SH2D7: variants seen among roughly 807,000 people sequenced by gnomAD.
SH2D7 encodes the protein SH2 domain containing 7.
SH2D7 carries 32 observed loss-of-function variants against 40.8 expected under a neutral mutation model. The ratio of observed to expected loss-of-function variants is 0.78; its 90% CI spans 0.59 to 1.05. The LOEUF (loss-of-function observed/expected upper bound fraction) is 1.05. SH2D7 is among the 50% of genes least tolerant of loss of function. The pLI is 0.00. For missense variants in SH2D7, 559 were observed against 566.6 expected, an observed-to-expected ratio of 0.99 and a Z score of 0.14; for synonymous variants, 195 against 221.5, an observed-to-expected ratio of 0.88 and a Z score of 1.06.
rs12593575 is a variant in SH2D7 at position 78,098,567 on chromosome 15, C to A, written c.616C>A (p.Arg206=). The A allele has an allele frequency of 1.2e-6, 2 of 1,613,618 alleles. No individual in the cohort carries two copies. Among genetic ancestry groups the A allele is most frequent in the South Asian group, 1.1e-5 (1 of 91,022 alleles). ...ACAGAAAAGCCTGGATGTGAGTCCC[C>A]GGAACCTCTCCCAGGAGGAAAGCAT... ...HAQKSLDVSP[R]NLSQEESMEA... The change falls in exon 4 of 6, where the codon CGG becomes AGG. Residue 206 remains arginine, a synonymous_variant. Coordinates refer to ENST00000328828, the MANE Select transcript of SH2D7 (RefSeq NM_001101404.2).
At chr15:78,100,688 C>T (rs959379539) in intron 4 of SH2D7, among the ~76,000 whole-genome samples, 8 of 152,112 alleles carry the variant, frequency 5.3e-5, no homozygotes, top group Non-Finnish European at 8.8e-5. Flanking sequence ...CACAGCAAGA[C>T]TCCATCTCAA....
intron 4 of SH2D7, among the ~76,000 whole-genome samples, chr15:78,099,023 T>TC: frequency 6.6e-6 from 1 of 152,120 alleles, no homozygotes; most frequent in African/African-American, 2.4e-5. Context: ...TCTTTTCTTT[T>TC]TTTTTTTTGA....
At chr15:78,097,505 C>T (rs150605440) in intron 2 of SH2D7, among the ~76,000 whole-genome samples, 17 of 152,108 alleles carry the variant, frequency 1.1e-4, no homozygotes, top group African/African-American at 3.9e-4. Context: ...AGGGTTGGAT[C>T]CTGTCTTTAT....
At chr15:78,093,161 C>T (rs542502748) in intron 1 of SH2D7, among the ~76,000 whole-genome samples, 2 of 152,282 alleles carry the variant, frequency 1.3e-5, no homozygotes, top group African/African-American at 4.8e-5. Context: ...CATGGTTATC[C>T]TAGGTATAAA....
chr15:78,102,867 CTCAG>C (rs764206299), intron 5 of SH2D7, among the ~76,000 whole-genome samples: 4 of 152,144 alleles, frequency 2.6e-5, no homozygotes, highest in Non-Finnish European at 5.9e-5. Flanking sequence ...GTCCTCTGAT[CTCAG>C]TCAGGCACAC....
In SH2D7 at chr15:78,097,917, C is replaced by CTT. The variant is rs2073983297; in HGVS notation, c.267-11_267-10dup. On this transcript the variant is annotated splice_polypyrimidine_tract_variant and intron_variant, in intron 2 of 5. Transcript: ENST00000328828. ...GACCAGCAGCCCCAGACCACAAGCACTTGTGTTGCAGGGGCAGTGATCGCT... is the reference window on the plus strand; with the variant it reads ...GACCAGCAGCCCCAGACCACAAGCACTTTTGTGTTGCAGGGGCAGTGATCGCT... 2 of 1,612,560 alleles carry CTT rather than the reference C, an allele frequency of 1.2e-6. No homozygotes were observed. The highest frequency in any genetic ancestry group is 2.7e-5 in the African/African-American group (2 of 74,932).
At chr15:78,095,743 A>G (rs1192875619) in intron 2 of SH2D7, among the ~76,000 whole-genome samples, 1 of 152,240 alleles carries the variant, frequency 6.6e-6, no homozygotes, top group Non-Finnish European at 1.5e-5. Context: ...TTTGAAAATG[A>G]GAGGCCAAGT....
intron 2 of SH2D7, among the ~76,000 whole-genome samples, chr15:78,095,583 A>T (rs1032533286): frequency 3.9e-5 from 6 of 152,220 alleles, no homozygotes; most frequent in Non-Finnish European, 7.3e-5. Flanking sequence ...GAGCAATTGG[A>T]TATCTAAATG....
In SH2D7 at chr15:78,098,032, C is replaced by G; in HGVS notation, c.370C>G (p.His124Asp). The G allele has an allele frequency of 1.9e-6, 3 of 1,613,978 alleles. No homozygotes were observed. The highest frequency in any genetic ancestry group is 2.5e-6 in the Non-Finnish European group (3 of 1,179,874). ...QSHSTLAELV[H>D]HYQEAQLEPF... ...CCACAGCACCCTGGCTGAGCTTGTGCACCATTACCAGGAGGCACAGCTCGA... is the reference window on the plus strand; with the variant it reads ...CCACAGCACCCTGGCTGAGCTTGTGGACCATTACCAGGAGGCACAGCTCGA... Residue 124 changes from histidine to aspartate, a missense_variant, in exon 3 of 6, where the codon CAC (histidine) becomes GAC (aspartate). His to Asp is a moderately conservative substitution (Grantham distance 81, BLOSUM62 -1). Transcript: ENST00000328828.
At chr15:78,093,914 A>G (rs1017880114) in intron 1 of SH2D7, among the ~76,000 whole-genome samples, 198 bp from the exon 2 acceptor site, 17 of 152,160 alleles carry the variant, frequency 1.1e-4, no homozygotes, top group Non-Finnish European at 7.3e-5. Flanking sequence ...GAACTTAATC[A>G]TTTGGGCTCA....
intron 4 of SH2D7, among the ~76,000 whole-genome samples, chr15:78,100,652 G>A (rs2074007383): frequency 6.6e-6 from 1 of 152,138 alleles, no homozygotes. Context: ...AGCTGAGATT[G>A]CGCCACTGCA....
At position 78,101,405 on chromosome 15, in the gene SH2D7, A is replaced by G; in HGVS notation, c.1152A>G (p.Pro384=). The change falls in exon 5 of 6, where the codon CCA becomes CCG. Residue 384 remains proline (P), a synonymous_variant. Coordinates refer to ENST00000328828, the MANE Select transcript of SH2D7 (RefSeq NM_001101404.2). ...YEQIPACWGG[P]ARAPHPGASP... ...AGATCCCAGCTTGCTGGGGTGGCCC[A>G]GCCAGGGCCCCACATCCTGGGGCCA... is the stretch of plus-strand genomic sequence containing the variant. 2 of 1,613,574 alleles carry G rather than the reference A, an allele frequency of 1.2e-6. No homozygotes were observed. The highest frequency in any genetic ancestry group is 1.7e-6 in the Non-Finnish European group (2 of 1,179,728).
chr15:78,090,929 C>G (rs1211298890), upstream of SH2D7, among the ~76,000 whole-genome samples: 1 of 152,208 alleles, frequency 6.6e-6, no homozygotes, highest in Non-Finnish European at 1.5e-5. Context: ...TCAATCCACA[C>G]TCACTCAACC....
rs377126819 is a variant in SH2D7 at position 78,098,482 on chromosome 15, C to T, written c.531C>T (p.Val177=). ...CTGCCACGGCATTCCTCACAGTGGT[C>T]CCCGACAAGGCCGCCAGCCCCCGCT... is the stretch of plus-strand genomic sequence containing the variant. ...NPPATAFLTV[V]PDKAASPRSS... The change falls in exon 4 of 6, where the codon GTC becomes GTT. Residue 177 remains valine (V), a synonymous_variant. Transcript: ENST00000328828. The T allele has an allele frequency of 1.2e-4, 193 of 1,614,014 alleles. No homozygotes were observed. The African/African-American group carries it at 2.3e-3, about 20-fold the overall frequency.
chr15:78,094,109 C>T lies in SH2D7; in HGVS notation c.177-3C>T, dbSNP rs777877429. Reference sequence around the variant, plus strand: ...CCCAGCTAATGGCATGTCTTCTGCCCAGGCAGACGGAGCAGCTACTCAGGG... The same window carrying T: ...CCCAGCTAATGGCATGTCTTCTGCCTAGGCAGACGGAGCAGCTACTCAGGG... On this transcript the variant is annotated splice_polypyrimidine_tract_variant and splice_region_variant and intron_variant, in intron 1 of 5. Transcript: ENST00000328828. 1 of 1,605,080 alleles carries T rather than the reference C, an allele frequency of 6.2e-7. No homozygotes were observed. The highest frequency in any genetic ancestry group is 2.2e-5 in the East Asian group (1 of 44,472).
Position 78,094,062 on chromosome 15 carries a change from C to G in SH2D7, c.177-50C>G, listed in dbSNP as rs1365146168. ...AAGAGAGGCCTAAGTCAGGCTGCAC[C>G]TGCTGCCATTAGGGCACAGACCCCA... On this transcript the variant is annotated intron_variant, in intron 1 of 5. Coordinates refer to ENST00000328828, the MANE Select transcript of SH2D7 (RefSeq NM_001101404.2). The G allele has an allele frequency of 3.3e-6, 5 of 1,535,600 alleles. No homozygotes were observed. The African/African-American group carries it at 5.5e-5, about 17-fold the overall frequency.
upstream of SH2D7, chr15:78,091,194 G>A (rs150021091): frequency 6.6e-6 from 1 of 152,254 alleles, no homozygotes; most frequent in East Asian, 1.9e-4. Flanking sequence ...AAGCATCTCT[G>A]TCTTACTTCA....
chr15:78,092,682 G>T lies in SH2D7; in HGVS notation c.98G>T (p.Trp33Leu). Residue 33 changes from tryptophan (W) to leucine (L), a missense_variant, in exon 1 of 6, where the codon TGG becomes TTG. Coordinates refer to ENST00000328828, the MANE Select transcript of SH2D7 (RefSeq NM_001101404.2). ...GAGCTCCAGGAGCTTGCCCTGAAGT[G>T]GTTCATGGAGACACAGGCCCCCTTC... ...LAELQELALKWFMETQAPFIL... is the reference protein window; with the variant it reads ...LAELQELALKLFMETQAPFIL... The T allele has an allele frequency of 6.3e-7, 1 of 1,590,080 alleles. No individual in the cohort carries two copies. Among genetic ancestry groups the T allele is most frequent in the East Asian group, 2.3e-5 (1 of 43,684 alleles).
intron 2 of SH2D7, among the ~76,000 whole-genome samples, chr15:78,097,184 C>T (rs1185971098): frequency 1.3e-5 from 2 of 152,146 alleles, no homozygotes; most frequent in Non-Finnish European, 2.9e-5. Flanking sequence ...TGCTGATAGG[C>T]GTCGGAATGG....
Sources: allele counts gnomAD v4.1 joint callset (sites outside exome capture counted in the v4.1 genomes callset), GRCh38; gene constraint gnomAD v4.1.1; transcripts MANE v1.5; gene names NCBI Gene and HGNC (gene_info 2026-07-23, HGNC 2026-07-21).